The following IMPG1 variants were observed in gnomAD, a reference collection of about 807,000 sequenced individuals.
The protein encoded by IMPG1 is interphotoreceptor matrix proteoglycan of 150 kDa.
In IMPG1, 85 loss-of-function variants were observed where a neutral mutation model predicts 92.0. The observed-to-expected ratio is 0.92, with a 90% CI of 0.78 to 1.11. The LOEUF (loss-of-function observed/expected upper bound fraction) is 1.11, where lower values mean the gene tolerates loss of function less well. Among genes scored for constraint, IMPG1 ranks in the 50% least tolerant of loss-of-function variants. The pLI, the probability that IMPG1 is intolerant of heterozygous loss-of-function variation, is 0.00. For missense variants in IMPG1, 1,022 were observed against 956.0 expected (o/e 1.07, Z -0.91); for synonymous variants, 367 against 334.1 (o/e 1.10, Z -1.08).
At chr6:75,937,958 T>G (rs1441737875) in intron 14 of IMPG1, among the ~76,000 whole-genome samples, 2 of 152,246 alleles carry the variant, frequency 1.3e-5, no homozygotes, top group Non-Finnish European at 2.9e-5. Context: ...TACATGCTTC[T>G]GAAGAATTTT....
chr6:75,943,628 A>C lies in IMPG1; in HGVS notation c.2044+3686T>G, dbSNP rs114655243. On this transcript the variant is annotated intron_variant, in intron 14 of 16. Transcript: ENST00000369950. ...ATTCCTTTATAGCAATACAAACAGA[A>C]AAAGACAGCTGGTATTCCATCTCCC... Among the ~76,000 whole-genome samples the C allele has an allele frequency of 9.3e-3, 1,418 of 152,318 alleles. 24 individuals are homozygous for C. Among genetic ancestry groups the C allele is most frequent in the African/African-American group, 0.031 (1,300 of 41,574 alleles).
At chr6:76,069,898 C>T (rs1027016120) in intron 1 of IMPG1, among the ~76,000 whole-genome samples, 2 of 152,178 alleles carry the variant, frequency 1.3e-5, no homozygotes, top group African/African-American at 4.8e-5. Context: ...CCCAATACTG[C>T]ATGTTCTCAC....
rs943871281 is a variant in IMPG1 at position 75,978,741 on chromosome 6, A to G, written c.1291+24177T>C. ...AGTCACTGGGGCAATAACAATAAAT[A>G]AGATAAATATATTCCCTTCCTCAGG... On this transcript the variant is annotated intron_variant, in intron 12 of 16. Coordinates refer to ENST00000369950, the MANE Select transcript of IMPG1 (RefSeq NM_001563.4). Among the ~76,000 whole-genome samples the G allele has an allele frequency of 6.6e-5, 10 of 152,390 alleles. No individual in the cohort carries two copies. In the East Asian group the frequency reaches 1.9e-3, roughly 29 times the overall value.
At chr6:76,012,894 C>T (rs1783212715) in intron 7 of IMPG1, among the ~76,000 whole-genome samples, 1 of 152,182 alleles carries the variant, frequency 6.6e-6, no homozygotes, top group Non-Finnish European at 1.5e-5. Flanking sequence ...TGAACCCCGA[C>T]TGTCTTCCAT....
At chr6:75,950,541 T>C (rs1782004849) in intron 13 of IMPG1, 21 bp downstream of exon 13, 1 of 1,554,540 alleles carries the variant, frequency 6.4e-7, no homozygotes, top group Non-Finnish European at 8.7e-7. Context: ...GAATTGGGAA[T>C]TGTGAGCAGT....
chr6:75,956,778 T>C (rs553307643), intron 12 of IMPG1, among the ~76,000 whole-genome samples: 17 of 152,212 alleles, frequency 1.1e-4, no homozygotes, highest in Non-Finnish European at 2.1e-4. Context: ...GTCCCAGAGA[T>C]TCTGGTACAT....
intron 12 of IMPG1, among the ~76,000 whole-genome samples, chr6:76,000,582 G>C (rs1365288894): frequency 6.6e-6 from 1 of 152,186 alleles, no homozygotes; most frequent in Non-Finnish European, 1.5e-5. Context: ...GTAGTAGGTA[G>C]GGTATATGAG....
intron 1 of IMPG1, among the ~76,000 whole-genome samples, chr6:76,062,974 T>G (rs948020666): frequency 6.7e-6 from 1 of 149,134 alleles, no homozygotes; most frequent in African/African-American, 2.5e-5. Flanking sequence ...GAGGCCGAGG[T>G]GAGTGGATTA....
intron 12 of IMPG1, among the ~76,000 whole-genome samples, chr6:75,958,169 A>G (rs1205303131): frequency 2.0e-5 from 3 of 152,208 alleles, no homozygotes; most frequent in Admixed American, 6.5e-5. Context: ...TTGGCTGGAT[A>G]TGAAATTCTG....
chr6:75,984,851 C>T (rs1782687887), intron 12 of IMPG1, among the ~76,000 whole-genome samples: 1 of 152,092 alleles, frequency 6.6e-6, no homozygotes, highest in African/African-American at 2.4e-5. Context: ...ACTTCCCCTA[C>T]CCTTGCTCCC....
rs184402947 is a variant in IMPG1, at chr6:75,997,457, G to A, written c.1291+5461C>T. 2.4e-4 allele frequency among the ~76,000 whole-genome samples: 37 copies of A among 152,262 alleles called. 1 individual carries two copies. The highest frequency in any genetic ancestry group is 8.7e-4 in the African/African-American group (36 of 41,556). ...TGTACATTTTTGGGCTGGGAGAGAGGCTAACTGCAAATTTCTTTCCCTGCA... is the reference window on the plus strand; with the variant it reads ...TGTACATTTTTGGGCTGGGAGAGAGACTAACTGCAAATTTCTTTCCCTGCA... On this transcript the variant is annotated intron_variant, in intron 12 of 16. Coordinates refer to ENST00000369950, the MANE Select transcript of IMPG1 (RefSeq NM_001563.4).
intron 12 of IMPG1, among the ~76,000 whole-genome samples, chr6:75,980,406 A>G (rs1582082832): frequency 6.6e-6 from 1 of 152,186 alleles, no homozygotes. Flanking sequence ...GGATTGAAGG[A>G]TGCAAAGCAT....
chr6:75,974,572 C>T (rs138246069), intron 12 of IMPG1, among the ~76,000 whole-genome samples: 66 of 150,960 alleles, frequency 4.4e-4, no homozygotes, highest in African/African-American at 1.6e-3. Context: ...CAGGTTCAAG[C>T]GATTCTCCTA....
intron 14 of IMPG1, among the ~76,000 whole-genome samples, chr6:75,946,980 G>C (rs1781937588): frequency 6.6e-6 from 1 of 152,128 alleles, no homozygotes; most frequent in Non-Finnish European, 1.5e-5. Flanking sequence ...ACTTCTAGCA[G>C]AATGTAAATT....
intron 1 of IMPG1, among the ~76,000 whole-genome samples, chr6:76,048,613 C>T (rs895572341): frequency 1.3e-5 from 2 of 152,184 alleles, no homozygotes; most frequent in Admixed American, 6.5e-5. Context: ...CACTTTCCTA[C>T]ATCATTTTCC....
intron 12 of IMPG1, 60 bp from the exon 13 acceptor site, chr6:75,951,154 A>G (rs1225198648): frequency 4.5e-6 from 6 of 1,324,544 alleles, no homozygotes; most frequent in Non-Finnish European, 6.3e-6. Flanking sequence ...GAAAGTGAAA[A>G]AAAGAAAATC....
chr6:75,998,109 G>T (rs571512788), intron 12 of IMPG1, among the ~76,000 whole-genome samples: 1 of 152,312 alleles, frequency 6.6e-6, no homozygotes, highest in South Asian at 2.1e-4. Context: ...TGGCAATGGT[G>T]AGTGGTGTGA....
chr6:76,045,884 G>A (rs1468858576), intron 1 of IMPG1, among the ~76,000 whole-genome samples: 3 of 152,058 alleles, frequency 2.0e-5, no homozygotes, highest in East Asian at 1.9e-4. Context: ...AAGAGGAGGT[G>A]AAAATTTAAT....
At chr6:76,052,631 A>G (rs1051890351) in intron 1 of IMPG1, among the ~76,000 whole-genome samples, 3 of 152,170 alleles carry the variant, frequency 2.0e-5, no homozygotes, top group African/African-American at 7.2e-5. Flanking sequence ...TTGCTTCTTC[A>G]TGGAGTACTA....
Sources: allele counts gnomAD v4.1 joint callset (sites outside exome capture counted in the v4.1 genomes callset), GRCh38; gene constraint gnomAD v4.1.1; transcripts MANE v1.5; gene names NCBI Gene and HGNC (gene_info 2026-07-23, HGNC 2026-07-21).